CALN1: variants seen among roughly 807,000 people sequenced by gnomAD.
CALN1 encodes calcium-binding protein 8.
A neutral mutation model predicts 30.6 loss-of-function variants in CALN1; 17 were observed. The ratio of observed to expected loss-of-function variants is 0.56; its 90% CI spans 0.38 to 0.83. The LOEUF is 0.83. Among genes scored for constraint, CALN1 ranks in the 40% least tolerant of loss-of-function variants. CALN1 has a pLI of 0.00. For synonymous variants in CALN1, 156 were observed against 131.4 expected (o/e 1.19, Z -1.28); for missense variants, 291 against 354.9 (o/e 0.82, Z 1.45).
chr7:71,842,181 A>G (rs2116504826), intron 5 of CALN1, among the ~76,000 whole-genome samples: 1 of 152,296 alleles, frequency 6.6e-6, no homozygotes, highest in African/African-American at 2.4e-5. Flanking sequence ...AACAAAGTCT[A>G]GTCCCGAGTA....
At chr7:72,137,051 G>C (rs932012925) in intron 3 of CALN1, among the ~76,000 whole-genome samples, 13 of 152,192 alleles carry the variant, frequency 8.5e-5, no homozygotes, top group Non-Finnish European at 7.3e-5. Flanking sequence ...TTCTGGCCAA[G>C]TTAGGTCAGA....
At chr7:72,487,703 A>AAAG in the CALN1 span, among the ~76,000 whole-genome samples, 7 of 95,368 alleles carry the variant, frequency 7.3e-5, no homozygotes, top group African/African-American at 4.1e-4. Flanking sequence ...AGAAAGAAAG[A>AAAG]AAAGAAAAGA....
At chr7:71,826,489 T>C (rs1008304210) in intron 5 of CALN1, among the ~76,000 whole-genome samples, 4 of 152,206 alleles carry the variant, frequency 2.6e-5, no homozygotes, top group African/African-American at 9.6e-5. Context: ...TGCTTTGACC[T>C]GCCCTTGAAT....
chr7:72,091,601 T>C (rs908185860), intron 4 of CALN1, among the ~76,000 whole-genome samples: 6 of 151,958 alleles, frequency 3.9e-5, no homozygotes, highest in African/African-American at 1.4e-4. Flanking sequence ...GGAATGAAAA[T>C]AGAATGGTAA....
intron 3 of CALN1, among the ~76,000 whole-genome samples, chr7:72,134,614 T>A (rs1367856256): frequency 6.6e-6 from 1 of 152,266 alleles, no homozygotes; most frequent in Non-Finnish European, 1.5e-5. Flanking sequence ...CTAAAATATA[T>A]GAACAATCAT....
At chr7:71,869,359 C>T (rs547890456) in intron 5 of CALN1, among the ~76,000 whole-genome samples, 2 of 152,224 alleles carry the variant, frequency 1.3e-5, no homozygotes, top group Admixed American at 6.5e-5. Flanking sequence ...TACAAGCATG[C>T]ACCACCATGC....
Position 72,322,127 on chromosome 7 carries a change from T to C in CALN1, c.120-43317A>G, listed in dbSNP as rs143762801. Among the ~76,000 whole-genome samples the C allele has an allele frequency of 5.9e-5, 9 of 152,252 alleles. No individual in the cohort carries two copies. In the East Asian group the frequency reaches 1.5e-3, roughly 26 times the overall value. On this transcript the variant is annotated intron_variant, in intron 2 of 6. Coordinates refer to ENST00000395275, the MANE Select transcript of CALN1 (RefSeq NM_031468.4). ...ACAACTCACCATCATGTAGAATCAG[T>C]GGGAGCCCTGAGCTTATTTTTCTGC... is the stretch of plus-strand genomic sequence containing the variant.
At chr7:72,317,422 A>C (rs1265116800) in intron 2 of CALN1, among the ~76,000 whole-genome samples, 3 of 152,232 alleles carry the variant, frequency 2.0e-5, no homozygotes, top group Non-Finnish European at 4.4e-5. Context: ...TTTATTCCTA[A>C]ACATTTCTAC....
intron 5 of CALN1, among the ~76,000 whole-genome samples, chr7:71,967,430 C>T (rs1375125684): frequency 2.0e-5 from 3 of 151,784 alleles, no homozygotes; most frequent in Non-Finnish European, 4.4e-5. Flanking sequence ...GAGTTCCAGA[C>T]CAGCCTGGGA....
intron 3 of CALN1, among the ~76,000 whole-genome samples, chr7:72,144,189 TAA>T (rs1289828230): frequency 2.0e-5 from 3 of 152,058 alleles, no homozygotes; most frequent in East Asian, 1.9e-4. Context: ...GCAAATTGGA[TAA>T]AGAGTCAAGA....
intron 5 of CALN1, among the ~76,000 whole-genome samples, chr7:71,989,691 T>A (rs1798851098): frequency 6.6e-6 from 1 of 151,634 alleles, no homozygotes; most frequent in Non-Finnish European, 1.5e-5. Flanking sequence ...TGGAGGGGAG[T>A]TAGCACAATA....
At chr7:71,975,719 C>A (rs1282297884) in intron 5 of CALN1, among the ~76,000 whole-genome samples, 1 of 151,824 alleles carries the variant, frequency 6.6e-6, no homozygotes, top group Non-Finnish European at 1.5e-5. Flanking sequence ...TGTGAGCCAC[C>A]ACACCCGGCC....
intron 4 of CALN1, among the ~76,000 whole-genome samples, chr7:72,095,735 TA>T (rs1177507973): frequency 6.6e-6 from 1 of 152,016 alleles, no homozygotes; most frequent in African/African-American, 2.4e-5. Context: ...GGAATCTTGG[TA>T]AAAGGAAAAT....
At position 72,370,890 on chromosome 7, in the gene CALN1, A is replaced by T. The variant is rs183426508; in HGVS notation, c.119+32361T>A. On this transcript the variant is annotated intron_variant, in intron 2 of 6. Transcript: ENST00000395275. ...GTGAAGCCGCATCTCTACTAAAAAT[A>T]CAAAAAAATTAGCGGGTTGTGGTGG... Among the ~76,000 whole-genome samples the T allele has an allele frequency of 2.1e-3, 317 of 152,006 alleles. 1 individual carries two copies. Among genetic ancestry groups the T allele is most frequent in the African/African-American group, 6.8e-3 (283 of 41,486 alleles).
At chr7:72,409,770 A>C (rs1157809305) in intron 1 of CALN1, among the ~76,000 whole-genome samples, 1 of 152,110 alleles carries the variant, frequency 6.6e-6, no homozygotes, top group Non-Finnish European at 1.5e-5. Context: ...AGTGGTTCCC[A>C]GGCTGTTACT....
chr7:72,124,516 T>C (rs1196947121), intron 3 of CALN1, among the ~76,000 whole-genome samples: 1 of 152,002 alleles, frequency 6.6e-6, no homozygotes, highest in Admixed American at 6.6e-5. Flanking sequence ...ACCAGGCACA[T>C]AACTGCGTGC....
intron 2 of CALN1, among the ~76,000 whole-genome samples, chr7:72,331,710 T>TA (rs1801691704): frequency 6.6e-6 from 1 of 152,220 alleles, no homozygotes; most frequent in Non-Finnish European, 1.5e-5. Flanking sequence ...AGTTTTATCT[T>TA]AAGTTCAGAG....
At chr7:71,920,774 C>G (rs1324214940) in intron 5 of CALN1, among the ~76,000 whole-genome samples, 1 of 152,136 alleles carries the variant, frequency 6.6e-6, no homozygotes, top group East Asian at 1.9e-4. Flanking sequence ...TAGTGGCAAA[C>G]ATATAAGCTG....
At chr7:72,481,618 C>T in the CALN1 span, among the ~76,000 whole-genome samples, 2 of 152,160 alleles carry the variant, frequency 1.3e-5, no homozygotes, top group African/African-American at 4.8e-5. Context: ...TGTCTAAATA[C>T]TGCTTTCATG....
Sources: allele counts gnomAD v4.1 joint callset (sites outside exome capture counted in the v4.1 genomes callset), GRCh38; gene constraint gnomAD v4.1.1; transcripts MANE v1.5; gene names NCBI Gene and HGNC (gene_info 2026-07-23, HGNC 2026-07-21).